The following PALLD variants were observed in gnomAD, a reference collection of about 807,000 sequenced individuals.
PALLD encodes the protein palladin, cytoskeletal associated protein.
PALLD carries 61 observed loss-of-function variants against 123.5 expected under a neutral mutation model. The ratio of observed to expected loss-of-function variants is 0.49; its 90% CI spans 0.40 to 0.61. The LOEUF is 0.61. Among genes scored for constraint, PALLD ranks in the 20% least tolerant of loss-of-function variants. PALLD has a pLI of 0.00. For missense variants in PALLD, 1,273 were observed against 1,377.0 expected (o/e 0.92, Z 1.20); for synonymous variants, 465 against 496.4 (o/e 0.94, Z 0.84).
intron 2 of PALLD, among the ~76,000 whole-genome samples, chr4:168,610,228 G>A (rs1773599502): frequency 6.6e-6 from 1 of 152,064 alleles, no homozygotes; most frequent in Non-Finnish European, 1.5e-5. Flanking sequence ...CTCCTTGGCA[G>A]TCTCAGTGTT....
chr4:168,785,275 G>A lies in PALLD; in HGVS notation c.1964+73352G>A, dbSNP rs567598648. 2.5e-4 allele frequency among the ~76,000 whole-genome samples: 38 copies of A among 152,172 alleles called. No homozygotes were observed. The South Asian group carries it at 7.7e-3, about 31-fold the overall frequency. On this transcript the variant is annotated intron_variant, in intron 10 of 21. Transcript: ENST00000505667. The stretch of plus-strand genomic sequence containing the variant: ...TGCTAGCTATGTGTGTGAATGCGGA[G>A]TTTAAGGAGCTTCGCTGTTTGTTCG...
intron 10 of PALLD, among the ~76,000 whole-genome samples, chr4:168,809,875 G>GGA (rs1561548283): frequency 2.1e-5 from 3 of 145,106 alleles, no homozygotes; most frequent in Non-Finnish European, 4.5e-5. Context: ...AAAAAAAAAA[G>GGA]AAAAAAAAAT....
intron 12 of PALLD, among the ~76,000 whole-genome samples, chr4:168,895,712 G>A (rs963959393): frequency 6.6e-6 from 1 of 152,080 alleles, no homozygotes; most frequent in Non-Finnish European, 1.5e-5. Flanking sequence ...TTGCAGAAGC[G>A]GAAGAAAATC....
intron 2 of PALLD, among the ~76,000 whole-genome samples, chr4:168,593,025 A>T (rs1397248578): frequency 6.6e-6 from 1 of 152,130 alleles, no homozygotes; most frequent in East Asian, 1.9e-4. Flanking sequence ...CCTTTAAAAA[A>T]AAAAAAGTCA....
intron 2 of PALLD, among the ~76,000 whole-genome samples, chr4:168,589,326 A>C (rs991775776): frequency 6.6e-6 from 1 of 152,134 alleles, no homozygotes; most frequent in Non-Finnish European, 1.5e-5. Flanking sequence ...TTTAGGTAGG[A>C]GACCTTCAGG....
chr4:168,598,714 C>T lies in PALLD; in HGVS notation c.909-69476C>T, dbSNP rs938423967. ...TTCCACCTTTGTTTTGCAAGCTGTACCCTTGCCTCCTATCTGGACCTGAGC... is the reference window on the plus strand; with the variant it reads ...TTCCACCTTTGTTTTGCAAGCTGTATCCTTGCCTCCTATCTGGACCTGAGC... On this transcript the variant is annotated intron_variant, in intron 2 of 21. Coordinates refer to ENST00000505667, the MANE Select transcript of PALLD (RefSeq NM_001166108.2). 4.6e-5 allele frequency: 18 copies of T among 392,552 alleles called. 1 individual carries two copies. Among genetic ancestry groups the T allele is most frequent in the South Asian group, 2.9e-4 (14 of 47,802 alleles). 24.3% of individuals were successfully genotyped at this position (392,552 alleles called of 1,614,324 possible).
chr4:168,676,452 A>G (rs979276732), intron 3 of PALLD, among the ~76,000 whole-genome samples: 1 of 151,574 alleles, frequency 6.6e-6, no homozygotes, highest in Non-Finnish European at 1.5e-5. Context: ...GTATAAAAGG[A>G]TAAACTCCAT....
chr4:168,606,203 G>A (rs1450701187), intron 2 of PALLD, among the ~76,000 whole-genome samples: 5 of 152,122 alleles, frequency 3.3e-5, no homozygotes, highest in Admixed American at 6.5e-5. Flanking sequence ...GCATCCTTAC[G>A]TGTGATTTTT....
intron 10 of PALLD, among the ~76,000 whole-genome samples, chr4:168,821,879 C>CA (rs910886193): frequency 0.13 from 7,329 of 57,566 alleles, 338 homozygotes; most frequent in Non-Finnish European, 0.14. Context: ...AACGCTGTCT[C>CA]AAAAAAAAAA....
In PALLD at chr4:168,630,903, G is replaced by A. The variant is rs117727063; in HGVS notation, c.909-37287G>A. 3.1e-4 allele frequency among the ~76,000 whole-genome samples: 47 copies of A among 152,296 alleles called. No homozygotes were observed. The East Asian group carries it at 8.9e-3, about 29-fold the overall frequency. On this transcript the variant is annotated intron_variant, in intron 2 of 21. Transcript: ENST00000505667. Reference sequence around the variant, plus strand: ...TTTGTTTCTCCTGTTGTTTCTTCCTGATATCCGTCTGTGTGGTAACTGAGT... The same window carrying A: ...TTTGTTTCTCCTGTTGTTTCTTCCTAATATCCGTCTGTGTGGTAACTGAGT...
At chr4:168,537,662 T>G (rs1367321478) in intron 2 of PALLD, 2 of 152,186 alleles carry the variant, frequency 1.3e-5, no homozygotes, top group African/African-American at 4.8e-5. Flanking sequence ...GTCCAAAAAC[T>G]GTGATGATTG....
intron 10 of PALLD, among the ~76,000 whole-genome samples, chr4:168,748,266 A>G (rs11933995): frequency 0.029 from 4,388 of 152,232 alleles, 228 homozygotes; most frequent in African/African-American, 0.099. Context: ...GGAAAATGCA[A>G]ATTTTCAGTC....
At chr4:168,897,412 A>C (rs887395021) in intron 13 of PALLD, among the ~76,000 whole-genome samples, 1 of 152,164 alleles carries the variant, frequency 6.6e-6, no homozygotes, top group Admixed American at 6.5e-5. Flanking sequence ...TTTAATATTA[A>C]ATAGGGAATA....
chr4:168,794,417 G>T (rs745984549), intron 10 of PALLD, among the ~76,000 whole-genome samples: 1 of 151,340 alleles, frequency 6.6e-6, no homozygotes, highest in Admixed American at 6.6e-5. Context: ...ACACACATGC[G>T]CACACGCATG....
chr4:168,632,407 C>T (rs1580677187), intron 2 of PALLD, among the ~76,000 whole-genome samples: 5 of 152,314 alleles, frequency 3.3e-5, no homozygotes, highest in Admixed American at 3.3e-4. Flanking sequence ...GCTGGAAACA[C>T]TTTGTTTCTC....
intron 6 of PALLD, among the ~76,000 whole-genome samples, chr4:168,689,622 A>G (rs908855719): frequency 2.0e-5 from 3 of 150,996 alleles, no homozygotes; most frequent in African/African-American, 7.3e-5. Flanking sequence ...TAATTTTTGT[A>G]TTTTTAGTAG....
chr4:168,906,945 G>A (rs1055130825), intron 15 of PALLD, among the ~76,000 whole-genome samples: 1 of 152,166 alleles, frequency 6.6e-6, no homozygotes, highest in Non-Finnish European at 1.5e-5. Context: ...CAACACCGAT[G>A]ATACTGAAAA....
intron 10 of PALLD, among the ~76,000 whole-genome samples, chr4:168,743,425 T>C (rs1385274226): frequency 1.3e-5 from 2 of 152,148 alleles, no homozygotes; most frequent in African/African-American, 4.8e-5. Flanking sequence ...ATTTTTTTTT[T>C]AATGGGGACA....
intron 2 of PALLD, among the ~76,000 whole-genome samples, chr4:168,604,761 AT>A: frequency 1.3e-5 from 2 of 152,336 alleles, no homozygotes; most frequent in East Asian, 3.9e-4. Context: ...GTGGTGACTC[AT>A]CCAAAATTCC....
Sources: gnomAD v4.1 joint callset for allele counts (sites outside exome capture counted in the v4.1 genomes callset) on GRCh38, gnomAD v4.1.1 for gene constraint, MANE v1.5 for transcripts, NCBI Gene and HGNC (gene_info 2026-07-23, HGNC 2026-07-21) for gene names.